CDK14: variants seen among roughly 807,000 people sequenced by gnomAD.
CDK14 encodes the protein cyclin-dependent kinase 14.
Under a neutral mutation model 60.7 loss-of-function variants are expected in CDK14, and 34 were observed. The observed-to-expected ratio is 0.56, with a 90% CI of 0.43 to 0.75. The LOEUF (loss-of-function observed/expected upper bound fraction) is 0.75. CDK14 is among the 30% of genes least tolerant of loss of function. The pLI is 0.00. For missense variants in CDK14, 482 were observed against 564.1 expected (o/e 0.85, Z 1.47); for synonymous variants, 197 against 203.7 (o/e 0.97, Z 0.28).
intron 10 of CDK14, among the ~76,000 whole-genome samples, chr7:90,991,498 C>G (rs141160811): frequency 1.8e-3 from 271 of 152,120 alleles, no homozygotes; most frequent in African/African-American, 6.4e-3. Flanking sequence ...AGGGTAAGAA[C>G]AGAAAAAGAA....
chr7:91,033,092 G>C (rs1029013843), intron 10 of CDK14, among the ~76,000 whole-genome samples: 3 of 152,122 alleles, frequency 2.0e-5, no homozygotes, highest in Admixed American at 6.5e-5. Flanking sequence ...ATTTTCATTG[G>C]CCTCAAGTTT....
chr7:91,052,423 A>G (rs2116058734), intron 11 of CDK14, among the ~76,000 whole-genome samples: 1 of 152,330 alleles, frequency 6.6e-6, no homozygotes, highest in African/African-American at 2.4e-5. Context: ...ACTGACAATT[A>G]GACTATTTTA....
intron 2 of CDK14, among the ~76,000 whole-genome samples, chr7:90,691,495 A>G (rs1445643928): frequency 6.6e-6 from 1 of 152,084 alleles, no homozygotes; most frequent in African/African-American, 2.4e-5. Context: ...TGGATGGAGA[A>G]TAGTAAGGGG....
chr7:91,145,576 C>T (rs1469637092), intron 14 of CDK14, among the ~76,000 whole-genome samples: 2 of 152,170 alleles, frequency 1.3e-5, no homozygotes, highest in African/African-American at 2.4e-5. Flanking sequence ...GCTAATGCAA[C>T]GTTCACAATC....
Position 91,134,883 on chromosome 7 carries a change from A to T in CDK14, c.*28+16675A>T, listed in dbSNP as rs144016230. ...CAGAGTGAGACCCTGTCTCAAAAAAAAATAATAATAATTTATAGAATTTTT... is the reference window on the plus strand; with the variant it reads ...CAGAGTGAGACCCTGTCTCAAAAAATAATAATAATAATTTATAGAATTTTT... On this transcript the variant is annotated intron_variant, in intron 14 of 14. Coordinates refer to ENST00000380050, the MANE Select transcript of CDK14 (RefSeq NM_001287135.2). 2.0e-3 allele frequency among the ~76,000 whole-genome samples: 300 copies of T among 152,230 alleles called. 4 individuals are homozygous for T. Among genetic ancestry groups the T allele is most frequent in the Non-Finnish European group, 2.9e-3 (194 of 68,020 alleles).
intron 2 of CDK14, among the ~76,000 whole-genome samples, chr7:90,661,708 C>T (rs1800868755): frequency 6.6e-6 from 1 of 152,190 alleles, no homozygotes; most frequent in Non-Finnish European, 1.5e-5. Context: ...AAGCATTCTT[C>T]ACTTTTGAGC....
At chr7:90,901,687 T>TAC (rs923919863) in intron 7 of CDK14, among the ~76,000 whole-genome samples, 3 of 148,952 alleles carry the variant, frequency 2.0e-5, no homozygotes, top group African/African-American at 7.3e-5. Flanking sequence ...TATATATATA[T>TAC]ATACACACAC....
intron 6 of CDK14, among the ~76,000 whole-genome samples, chr7:90,879,818 G>A (rs985434491): frequency 3.3e-5 from 5 of 151,666 alleles, no homozygotes; most frequent in African/African-American, 7.3e-5. Context: ...ATTACCCACC[G>A]AGAGAAGGAA....
chr7:91,049,488 C>G (rs1797330352), intron 11 of CDK14, among the ~76,000 whole-genome samples: 1 of 152,170 alleles, frequency 6.6e-6, no homozygotes, highest in Non-Finnish European at 1.5e-5. Context: ...TCCTAAAGTG[C>G]TGGGATTACA....
At chr7:90,744,189 A>G (rs567093555) in intron 3 of CDK14, among the ~76,000 whole-genome samples, 1 of 152,260 alleles carries the variant, frequency 6.6e-6, no homozygotes, top group African/African-American at 2.4e-5. Flanking sequence ...CTGGGTACTT[A>G]AGATTAGGGA....
intron 6 of CDK14, among the ~76,000 whole-genome samples, chr7:90,867,761 A>G (rs1791235524): frequency 6.6e-6 from 1 of 152,146 alleles, no homozygotes; most frequent in Admixed American, 6.5e-5. Flanking sequence ...ATGGTTTAAC[A>G]ATATGATATT....
At chr7:90,809,684 A>G (rs79323099) in intron 5 of CDK14, among the ~76,000 whole-genome samples, 2,619 of 152,236 alleles carry the variant, frequency 0.017, 35 homozygotes, top group Non-Finnish European at 0.028. Context: ...TCCAGGAGCT[A>G]GTTTTTTGAA....
intron 11 of CDK14, among the ~76,000 whole-genome samples, chr7:91,057,012 T>A (rs1200805704): frequency 6.6e-5 from 10 of 152,118 alleles, no homozygotes; most frequent in Admixed American, 6.5e-4. Flanking sequence ...TAAACTAGTT[T>A]ACAGTCCCAC....
At chr7:91,189,048 C>G (rs1353864886) in intron 14 of CDK14, among the ~76,000 whole-genome samples, 1 of 152,136 alleles carries the variant, frequency 6.6e-6, no homozygotes, top group Non-Finnish European at 1.5e-5. Flanking sequence ...TCTTTTTCCT[C>G]TTCGTCATTT....
rs115009431 is a variant in CDK14, at chr7:90,791,210, A to G, written c.544+558A>G. Among the ~76,000 whole-genome samples, 1,358 of 152,232 alleles carry G rather than the reference A, an allele frequency of 8.9e-3. 32 individuals are homozygous for G. The highest frequency in any genetic ancestry group is 0.028 in the African/African-American group (1,178 of 41,558). On this transcript the variant is annotated intron_variant, in intron 5 of 14. Transcript: ENST00000380050. ...TTCTTTTATAATGTAGTTATTTGCT[A>G]CATATAAGATTTTATTTTTTATTAA...
chr7:90,777,286 C>T (rs945393787), intron 4 of CDK14, among the ~76,000 whole-genome samples: 17 of 152,126 alleles, frequency 1.1e-4, no homozygotes, highest in Admixed American at 2.0e-4. Context: ...ATCTCTTTTA[C>T]GTGGTAAGGA....
At chr7:91,136,239 T>C (rs969402852) in intron 14 of CDK14, among the ~76,000 whole-genome samples, 1 of 152,206 alleles carries the variant, frequency 6.6e-6, no homozygotes, top group African/African-American at 2.4e-5. Flanking sequence ...CCTTCTTTTC[T>C]AAAATATGAT....
rs149932111 is a variant in CDK14, at chr7:91,061,572, A to G, written c.1105+15612A>G. On this transcript the variant is annotated intron_variant, in intron 11 of 14. Transcript: ENST00000380050. ...TTTGATGACGATGACGTACAGATGG[A>G]GTTTTGGTGTGGGTGTCCTTTCTGT... Among the ~76,000 whole-genome samples, 1,233 of 151,874 alleles carry G rather than the reference A, an allele frequency of 8.1e-3. 19 individuals are homozygous for G. Among genetic ancestry groups the G allele is most frequent in the African/African-American group, 0.027 (1,137 of 41,404 alleles).
At position 91,111,482 on chromosome 7, in the gene CDK14, T is replaced by C. The variant is rs544632635; in HGVS notation, c.1155-1060T>C. 3.9e-5 allele frequency among the ~76,000 whole-genome samples: 6 copies of C among 152,274 alleles called. No homozygotes were observed. In the East Asian group the frequency reaches 7.7e-4, roughly 20 times the overall value. Reference sequence around the variant, plus strand: ...CGGGTTTCAGAAACTGGAGAATCCATTGGGAAATGCCTTTAAAATAACCTG... The same window carrying C: ...CGGGTTTCAGAAACTGGAGAATCCACTGGGAAATGCCTTTAAAATAACCTG... On this transcript the variant is annotated intron_variant, in intron 12 of 14. Coordinates refer to ENST00000380050, the MANE Select transcript of CDK14 (RefSeq NM_001287135.2).
Sources: allele counts gnomAD v4.1 joint callset (sites outside exome capture counted in the v4.1 genomes callset), GRCh38; gene constraint gnomAD v4.1.1; transcripts MANE v1.5; gene names NCBI Gene and HGNC (gene_info 2026-07-23, HGNC 2026-07-21).